Variants in EXOC4 observed in about 807,000 individuals in gnomAD.
EXOC4 encodes the protein exocyst complex component 4.
In EXOC4, 71 loss-of-function variants were observed where a neutral mutation model predicts 107.2. The ratio of observed to expected loss-of-function variants is 0.66; its 90% CI spans 0.55 to 0.81. The LOEUF (loss-of-function observed/expected upper bound fraction) is 0.81. EXOC4 is among the 30% of genes least tolerant of loss of function. The probability of loss-of-function intolerance (pLI) is 0.00; values close to 1 mark genes in which losing one functional copy is unlikely to be tolerated. For missense variants in EXOC4, 1,108 were observed against 1,189.6 expected (o/e 0.93, Z 1.01); for synonymous variants, 456 against 441.2 (o/e 1.03, Z -0.42).
chr7:133,614,359 C>A (rs993421372), intron 9 of EXOC4, among the ~76,000 whole-genome samples: 2 of 152,030 alleles, frequency 1.3e-5, no homozygotes, highest in African/African-American at 4.8e-5. Context: ...TAACAAGAAC[C>A]TTTTTCTGGG....
intron 10 of EXOC4, among the ~76,000 whole-genome samples, chr7:133,667,632 T>A (rs563978243): frequency 6.6e-6 from 1 of 152,362 alleles, no homozygotes; most frequent in African/African-American, 2.4e-5. Context: ...GTTTTGAATT[T>A]ACTCTTTTGT....
intron 8 of EXOC4, among the ~76,000 whole-genome samples, chr7:133,476,117 T>C (rs1799006713): frequency 6.6e-6 from 1 of 152,210 alleles, no homozygotes; most frequent in African/African-American, 2.4e-5. Context: ...AAACATACTT[T>C]AAATTTGAGT....
intron 14 of EXOC4, 116 bp from the exon 15 acceptor site, chr7:133,997,376 C>A: frequency 9.3e-7 from 1 of 1,076,798 alleles, no homozygotes; most frequent in Non-Finnish European, 1.4e-6. Flanking sequence ...CTAATGCTGC[C>A]AACACTAGTG....
At chr7:133,594,369 A>G (rs189658222) in intron 9 of EXOC4, among the ~76,000 whole-genome samples, 3 of 152,272 alleles carry the variant, frequency 2.0e-5, no homozygotes, top group East Asian at 3.9e-4. Flanking sequence ...AGATCCTACC[A>G]TGTGCTAAAC....
chr7:133,716,515 C>G (rs369226056), intron 10 of EXOC4, among the ~76,000 whole-genome samples: 4 of 152,272 alleles, frequency 2.6e-5, no homozygotes, highest in African/African-American at 9.6e-5. Context: ...GACTTGAAAA[C>G]ATAAAATGGT....
chr7:133,886,538 G>A (rs1799091406), intron 11 of EXOC4, among the ~76,000 whole-genome samples: 1 of 151,644 alleles, frequency 6.6e-6, no homozygotes, highest in Admixed American at 6.6e-5. Context: ...AACTGTCCTG[G>A]GATTTATTTT....
chr7:133,364,217 C>T (rs576305395), intron 6 of EXOC4, among the ~76,000 whole-genome samples: 19 of 151,738 alleles, frequency 1.3e-4, no homozygotes, highest in Non-Finnish European at 2.2e-4. Context: ...TAGCCTTGAC[C>T]CCCCCTGGGC....
intron 5 of EXOC4, among the ~76,000 whole-genome samples, chr7:133,342,149 T>C (rs994537394): frequency 4.6e-5 from 7 of 152,146 alleles, no homozygotes; most frequent in African/African-American, 1.7e-4. Flanking sequence ...AAATTTATGA[T>C]TTAAGGAGGT....
intron 5 of EXOC4, among the ~76,000 whole-genome samples, chr7:133,342,860 T>C (rs778437410): frequency 4.6e-5 from 7 of 152,194 alleles, no homozygotes; most frequent in Non-Finnish European, 1.0e-4. Flanking sequence ...GTCTTTTATT[T>C]CCAGAGGTTG....
chr7:133,779,630 A>G (rs541137699), intron 10 of EXOC4, among the ~76,000 whole-genome samples: 74 of 152,308 alleles, frequency 4.9e-4, no homozygotes, highest in African/African-American at 1.7e-3. Flanking sequence ...GCTCTGTAAA[A>G]ATGCTCCAAT....
At chr7:133,696,902 A>G (rs993247833) in intron 10 of EXOC4, among the ~76,000 whole-genome samples, 1 of 152,244 alleles carries the variant, frequency 6.6e-6, no homozygotes, top group African/African-American at 2.4e-5. Flanking sequence ...ATGATTTTAC[A>G]AATGGCTCAA....
intron 10 of EXOC4, among the ~76,000 whole-genome samples, chr7:133,660,931 G>A (rs1803425367): frequency 6.6e-6 from 1 of 152,134 alleles, no homozygotes; most frequent in Non-Finnish European, 1.5e-5. Flanking sequence ...TCTCATAACA[G>A]TCATTTGATA....
chr7:133,380,971 G>C (rs1245543513), intron 7 of EXOC4, among the ~76,000 whole-genome samples: 1 of 151,928 alleles, frequency 6.6e-6, no homozygotes, highest in Non-Finnish European at 1.5e-5. Flanking sequence ...ACTTTTCTTC[G>C]CCTCTTAACT....
intron 8 of EXOC4, among the ~76,000 whole-genome samples, chr7:133,477,132 T>A (rs1239960361): frequency 6.6e-6 from 1 of 150,796 alleles, no homozygotes; most frequent in Non-Finnish European, 1.5e-5. Flanking sequence ...AGCGTCTGTT[T>A]GTTAGAATTG....
intron 5 of EXOC4, among the ~76,000 whole-genome samples, chr7:133,322,357 C>T (rs573169753): frequency 4.6e-5 from 7 of 152,164 alleles, no homozygotes; most frequent in South Asian, 2.1e-4. Context: ...TTAGGTCTTA[C>T]GTTTAAGTCT....
intron 3 of EXOC4, among the ~76,000 whole-genome samples, chr7:133,304,427 T>G (rs1251641785): frequency 2.0e-5 from 3 of 152,230 alleles, no homozygotes. Flanking sequence ...AATGAACTGG[T>G]AGGCTTCAGA....
intron 9 of EXOC4, among the ~76,000 whole-genome samples, chr7:133,550,873 G>T (rs2150941324): frequency 6.6e-6 from 1 of 151,994 alleles, no homozygotes; most frequent in East Asian, 1.9e-4. Context: ...ATAATCAGTT[G>T]ACTTCATGTA....
rs373888246 is a variant in EXOC4 at position 133,407,121 on chromosome 7, C to T, written c.1182+32119C>T. ...CTGTGTCGGTTTAATCAGAATCCAC[C>T]CTCCCCTTTATACCTGATCACCCTG... On this transcript the variant is annotated intron_variant, in intron 7 of 17. Coordinates refer to ENST00000253861, the MANE Select transcript of EXOC4 (RefSeq NM_021807.4). 5.3e-5 allele frequency among the ~76,000 whole-genome samples: 8 copies of T among 152,056 alleles called. 1 individual carries two copies. In the East Asian group the frequency reaches 1.3e-3, roughly 26 times the overall value.
intron 9 of EXOC4, among the ~76,000 whole-genome samples, chr7:133,485,022 G>A (rs1799240540): frequency 6.8e-6 from 1 of 146,356 alleles, no homozygotes; most frequent in East Asian, 2.0e-4. Context: ...GGAGGTTGCA[G>A]TGAGCCGAGA....
Sources: gnomAD v4.1 joint callset for allele counts (sites outside exome capture counted in the v4.1 genomes callset) on GRCh38, gnomAD v4.1.1 for gene constraint, MANE v1.5 for transcripts, NCBI Gene and HGNC (gene_info 2026-07-23, HGNC 2026-07-21) for gene names.